The following DMD variants were observed in gnomAD, a reference collection of about 807,000 sequenced individuals.
DMD encodes mutant dystrophin.
In DMD, 63 loss-of-function variants were observed where a neutral mutation model predicts 330.1. The observed-to-expected ratio is 0.19, with a 90% CI of 0.16 to 0.24. The LOEUF (loss-of-function observed/expected upper bound fraction) is 0.24. Among genes scored for constraint, DMD ranks in the 10% least tolerant of loss-of-function variants. The probability of loss-of-function intolerance (pLI) is 1.00; values close to 1 mark genes in which losing one functional copy is unlikely to be tolerated. For synonymous variants in DMD, 1,223 were observed against 959.8 expected, an observed-to-expected ratio of 1.27 and a Z score of -5.07; for missense variants, 3,344 against 2,684.1, an observed-to-expected ratio of 1.25 and a Z score of -5.43.
chrX:32,651,522 T>G (rs766816084), intron 9 of DMD, among the ~76,000 whole-genome samples: 14 of 111,969 alleles, frequency 1.3e-4, no homozygotes, highest in Non-Finnish European at 2.3e-4. Flanking sequence ...TGGAAGCTAC[T>G]AGGAAAATAC....
intron 55 of DMD, among the ~76,000 whole-genome samples, chrX:31,539,844 C>T (rs1233599449): frequency 2.7e-5 from 3 of 111,786 alleles, no homozygotes; most frequent in Non-Finnish European, 5.6e-5. Flanking sequence ...TGAGAATCCA[C>T]CAGTAAACAG....
intron 53 of DMD, among the ~76,000 whole-genome samples, chrX:31,668,333 G>A (rs1461135226): frequency 9.0e-6 from 1 of 110,928 alleles, no homozygotes; most frequent in Non-Finnish European, 1.9e-5. Flanking sequence ...AGAAAACACT[G>A]CATAATCCAT....
At chrX:31,897,098 G>C (rs1337750414) in intron 47 of DMD, among the ~76,000 whole-genome samples, 17 of 102,855 alleles carry the variant, frequency 1.7e-4, no homozygotes, top group Middle Eastern at 4.9e-3. Flanking sequence ...ACAGTCCCCA[G>C]AGTGTGATGT....
intron 44 of DMD, among the ~76,000 whole-genome samples, chrX:32,167,770 T>C (rs1031147409): frequency 6.3e-5 from 7 of 111,946 alleles, no homozygotes; most frequent in Non-Finnish European, 1.1e-4. Context: ...CCATCTATGA[T>C]GTTTTCCTTT....
rs766890056 is a variant in DMD, at chrX:32,438,275, G to A, written c.4037C>T (p.Thr1346Ile). 3.3e-6 allele frequency: 4 copies of A among 1,211,218 alleles called. No individual in the cohort carries two copies. Among genetic ancestry groups the A allele is most frequent in the Admixed American group, 4.4e-5 (2 of 45,965 alleles). Residue 1346 changes from threonine (T) to isoleucine (I), a missense_variant, in exon 29 of 79, where the codon ACA becomes ATA. Physicochemically the swap from Thr to Ile is moderately conservative, Grantham distance 89 (BLOSUM62 -1). Coordinates refer to ENST00000357033, the MANE Select transcript of DMD (RefSeq NM_004006.3). ...TAGTTCCCTCCAACGAGAATTAAAT[G>A]TCTCAAGTTCCTCATTGATTAGCTC... The part of the protein sequence containing the change: ...MDELINEELE[T>I]FNSRWRELHE...
At chrX:32,065,536 A>G (rs1465389891) in intron 44 of DMD, among the ~76,000 whole-genome samples, 1 of 112,273 alleles carries the variant, frequency 8.9e-6, no homozygotes, top group Non-Finnish European at 1.9e-5. Flanking sequence ...ACATTCTAAT[A>G]TCAACATATC....
intron 47 of DMD, among the ~76,000 whole-genome samples, chrX:31,890,791 A>T (rs752283998): frequency 9.0e-6 from 1 of 111,658 alleles, no homozygotes; most frequent in African/African-American, 3.3e-5. Context: ...TCTAAAAAAC[A>T]AAACAAAACA....
rs2073995888 is a variant in DMD, at chrX:32,775,004, T to C, written c.649+34489A>G. On this transcript the variant is annotated intron_variant, in intron 7 of 78. Coordinates refer to ENST00000357033, the MANE Select transcript of DMD (RefSeq NM_004006.3). Reference sequence around the variant, plus strand: ...GCAGGTATAAGTATTGGGTAAATGTTTCCATTCTAAATGGGGGAAACTGGT... The same window carrying C: ...GCAGGTATAAGTATTGGGTAAATGTCTCCATTCTAAATGGGGGAAACTGGT... Among the ~76,000 whole-genome samples the C allele has an allele frequency of 5.3e-5, 6 of 112,343 alleles. No homozygotes were observed. In the Admixed American group the frequency reaches 5.6e-4, roughly 11 times the overall value.
At chrX:32,201,068 C>T (rs2606677) in intron 44 of DMD, among the ~76,000 whole-genome samples, 15,784 of 111,273 alleles carry the variant, frequency 0.14, 1,038 homozygotes, top group Non-Finnish European at 0.21. Context: ...CAGTGGTTTA[C>T]CCCTTATCTG....
chrX:32,057,021 A>G (rs2096181204), intron 44 of DMD, among the ~76,000 whole-genome samples: 1 of 111,552 alleles, frequency 9.0e-6, no homozygotes, highest in South Asian at 3.7e-4. Flanking sequence ...CTAAAAATCT[A>G]TGGTCATCTC....
chrX:33,047,952 T>C (rs1053656948), intron 1 of DMD, among the ~76,000 whole-genome samples: 2 of 112,433 alleles, frequency 1.8e-5, no homozygotes, highest in African/African-American at 3.2e-5. Flanking sequence ...GATTTGTGTA[T>C]TATTTTCACA....
intron 7 of DMD, among the ~76,000 whole-genome samples, chrX:32,743,830 G>C (rs2069623296): frequency 9.0e-6 from 1 of 111,321 alleles, no homozygotes; most frequent in African/African-American, 3.3e-5. Context: ...AAATAGTATT[G>C]AGTGATGGGT....
chrX:32,868,122 G>A (rs986641153), intron 2 of DMD, among the ~76,000 whole-genome samples: 4 of 111,503 alleles, frequency 3.6e-5, no homozygotes, highest in African/African-American at 9.8e-5. Flanking sequence ...AGCCAAACGC[G>A]ACAAGGGAAG....
rs749094189 is a variant in DMD at position 33,303,396 on chromosome X, T to G, written c.7+35863A>C. On this transcript the variant is annotated intron_variant, in intron 1 of 17. Transcript: ENST00000288447. ...GATAAAATAAAGCCAACATTCTTCT[T>G]TCCACCGAAGAGACTTACATATAAT... Among the ~76,000 whole-genome samples the G allele has an allele frequency of 7.1e-5, 8 of 112,018 alleles. No individual in the cohort carries two copies. The South Asian group carries it at 3.0e-3, about 42-fold the overall frequency.
chrX:31,938,022 T>G (rs16989978), intron 45 of DMD, among the ~76,000 whole-genome samples: 12,269 of 111,096 alleles, frequency 0.11, 538 homozygotes, highest in African/African-American at 0.15. Context: ...TGGTGAGAGA[T>G]TTGCATAATC....
At chrX:32,377,241 A>G (rs548668554) in intron 34 of DMD, among the ~76,000 whole-genome samples, 2 of 111,847 alleles carry the variant, frequency 1.8e-5, no homozygotes, top group South Asian at 7.4e-4. Context: ...CCTATAAAAC[A>G]TTCTCACTTC....
intron 44 of DMD, among the ~76,000 whole-genome samples, chrX:32,098,467 C>T (rs1366178769): frequency 9.0e-6 from 1 of 111,663 alleles, no homozygotes; most frequent in African/African-American, 3.3e-5. Flanking sequence ...TGCTAATAGT[C>T]CAGTTTTCAT....
intron 41 of DMD, among the ~76,000 whole-genome samples, chrX:32,321,013 C>T (rs2097610859): frequency 8.9e-6 from 1 of 111,749 alleles, no homozygotes; most frequent in South Asian, 3.7e-4. Context: ...CAGGTAGACA[C>T]AGCCTAAATC....
At chrX:32,523,945 T>C (rs1250261856) in intron 17 of DMD, among the ~76,000 whole-genome samples, 1 of 106,582 alleles carries the variant, frequency 9.4e-6, no homozygotes, top group Non-Finnish European at 1.9e-5. Flanking sequence ...TTTTTTTTTT[T>C]TTTTTGAGAC....
Sources: allele counts gnomAD v4.1 joint callset (sites outside exome capture counted in the v4.1 genomes callset), GRCh38; gene constraint gnomAD v4.1.1; transcripts MANE v1.5; gene names NCBI Gene and HGNC (gene_info 2026-07-23, HGNC 2026-07-21).